Variants in TM4SF5 observed in about 807,000 individuals in gnomAD.
The protein encoded by TM4SF5 is transmembrane 4 L6 family member 5.
Under a neutral mutation model 22.3 loss-of-function variants are expected in TM4SF5, and 16 were observed. That is an observed-to-expected ratio of 0.72 (90% CI 0.49 to 1.09). The LOEUF (loss-of-function observed/expected upper bound fraction) is 1.09, where lower values mean the gene tolerates loss of function less well. Among genes scored for constraint, TM4SF5 ranks in the 50% least tolerant of loss-of-function variants. TM4SF5 has a pLI of 0.00. For synonymous variants in TM4SF5, 113 were observed against 109.6 expected (o/e 1.03, Z -0.19); for missense variants, 249 against 266.1 (o/e 0.94, Z 0.45).
intron 2 of TM4SF5, among the ~76,000 whole-genome samples, chr17:4,782,091 A>AT (rs376659055): frequency 7.8e-5 from 11 of 141,894 alleles, no homozygotes; most frequent in African/African-American, 2.6e-4. Flanking sequence ...CGAATTTCTA[A>AT]TTTTTTTTTT....
At chr17:4,774,255 G>C (rs1356154421) in intron 1 of TM4SF5, among the ~76,000 whole-genome samples, 3 of 150,858 alleles carry the variant, frequency 2.0e-5, no homozygotes, top group East Asian at 4.0e-4. Flanking sequence ...TATATCACAG[G>C]GACACAGACA....
chr17:4,779,379 C>T (rs1007930703), intron 1 of TM4SF5, among the ~76,000 whole-genome samples: 3 of 151,766 alleles, frequency 2.0e-5, no homozygotes, highest in Admixed American at 6.6e-5. Context: ...AAGTCAGCCA[C>T]GATCAAGCCA....
chr17:4,780,800 G>A lies in TM4SF5; in HGVS notation c.189G>A (p.Pro63=), dbSNP rs13520. The A allele has an allele frequency of 0.48, 767,983 of 1,608,398 alleles. 190,044 individuals are homozygous for A. The highest frequency in any genetic ancestry group is 0.52 in the Non-Finnish European group (608,283 of 1,177,060). ...FIGGGLMVLC[P]GIAAVRAGGK... ...CTCTTGTCCCACAGGTACTGTGTCC[G>A]GGGATTGCAGCCGTTCGGGCAGGGG... Residue 63 remains proline, a synonymous_variant, in exon 2 of 5, where the codon CCG becomes CCA. Coordinates refer to ENST00000270560, the MANE Select transcript of TM4SF5 (RefSeq NM_003963.3).
chr17:4,779,603 A>C (rs1917264724), intron 1 of TM4SF5, among the ~76,000 whole-genome samples: 1 of 152,132 alleles, frequency 6.6e-6, no homozygotes, highest in Non-Finnish European at 1.5e-5. Flanking sequence ...ACTTAAGTAA[A>C]AGTTGAGAAA....
At chr17:4,776,491 G>A (rs559680590) in intron 1 of TM4SF5, among the ~76,000 whole-genome samples, 154 of 152,012 alleles carry the variant, frequency 1.0e-3, no homozygotes, top group African/African-American at 3.4e-3. Flanking sequence ...TAGTAGAGAC[G>A]GGGTTTCGCG....
chr17:4,772,725 T>TG (rs1481917084), intron 1 of TM4SF5, among the ~76,000 whole-genome samples: 27 of 150,210 alleles, frequency 1.8e-4, no homozygotes, highest in Non-Finnish European at 3.6e-4. Flanking sequence ...TTTGTTTTTT[T>TG]TTTTTTTTGA....
At chr17:4,782,439 G>A in intron 2 of TM4SF5, 64 bp from the exon 3 acceptor site, 10 of 1,593,652 alleles carry the variant, frequency 6.3e-6, no homozygotes, top group Non-Finnish European at 8.6e-6. Flanking sequence ...GGGGGCTGGC[G>A]CTGAGCGTCG....
chr17:4,775,404 G>A (rs1014923621), intron 1 of TM4SF5, among the ~76,000 whole-genome samples: 3 of 150,822 alleles, frequency 2.0e-5, no homozygotes, highest in South Asian at 4.2e-4. Flanking sequence ...GACTACAGGC[G>A]CCCGCCACCA....
intron 1 of TM4SF5, 102 bp downstream of exon 1, chr17:4,772,201 G>A: frequency 8.3e-6 from 12 of 1,454,426 alleles, no homozygotes; most frequent in Non-Finnish European, 1.1e-5. Context: ...GGTTGCTTGG[G>A]AGAGGATGGC....
chr17:4,780,496 G>A (rs1917281792), intron 1 of TM4SF5, among the ~76,000 whole-genome samples: 1 of 152,142 alleles, frequency 6.6e-6, no homozygotes, highest in Non-Finnish European at 1.5e-5. Context: ...ATGTGAAGTA[G>A]TTTCCCTGAT....
In TM4SF5 at chr17:4,782,944, GGTGGCC is replaced by G; in HGVS notation, c.488_493del (p.Val163_Ala164del). The G allele has an allele frequency of 6.2e-7, 1 of 1,614,256 alleles. No homozygotes were observed. Among genetic ancestry groups the G allele is most frequent in the Non-Finnish European group, 8.5e-7 (1 of 1,180,048 alleles). On this transcript the variant is annotated inframe_deletion, in exon 4 of 5. Coordinates refer to ENST00000270560, the MANE Select transcript of TM4SF5 (RefSeq NM_003963.3). ...GGAATGTGACGCTCTTCTCGCTGCT[GGTGGCC>G]GCCTCCTGCCTGGAGATAGTACTGT...
intron 1 of TM4SF5, among the ~76,000 whole-genome samples, chr17:4,775,415 C>T (rs577539045): frequency 1.3e-5 from 2 of 151,644 alleles, no homozygotes; most frequent in Non-Finnish European, 2.9e-5. Context: ...CCCGCCACCA[C>T]GCACAGCAAA....
intron 1 of TM4SF5, 146 bp downstream of exon 1, chr17:4,772,245 T>A: frequency 9.7e-7 from 1 of 1,027,800 alleles, no homozygotes; most frequent in Non-Finnish European, 1.4e-6. Flanking sequence ...CCCTCTGGAG[T>A]CAGTCCTGGA....
intron 1 of TM4SF5, among the ~76,000 whole-genome samples, chr17:4,778,536 G>T (rs1448653963): frequency 6.6e-6 from 1 of 152,142 alleles, no homozygotes; most frequent in Admixed American, 6.6e-5. Flanking sequence ...GAGCCCAGGA[G>T]GTTGAGGATG....
At chr17:4,776,543 C>T (rs1015936590) in intron 1 of TM4SF5, among the ~76,000 whole-genome samples, 1 of 152,182 alleles carries the variant, frequency 6.6e-6, no homozygotes, top group African/African-American at 2.4e-5. Context: ...CTTAGGTGAT[C>T]CGCCTGCCTC....
intron 1 of TM4SF5, among the ~76,000 whole-genome samples, chr17:4,775,671 A>G (rs1488215124): frequency 6.6e-6 from 1 of 152,102 alleles, no homozygotes; most frequent in East Asian, 1.9e-4. Flanking sequence ...AAACTTTTAC[A>G]AAGTGAGCAC....
rs888765201 is a variant in TM4SF5, at chr17:4,782,938, G to C, written c.480G>C (p.Ser160=). The C allele has an allele frequency of 2.5e-6, 4 of 1,614,232 alleles. No homozygotes were observed. The highest frequency in any genetic ancestry group is 1.7e-6 in the Non-Finnish European group (2 of 1,180,038). The change falls in exon 4 of 5, where the codon TCG becomes TCC. Residue 160 remains serine, a synonymous_variant. Transcript: ENST00000270560. ...TCCCCTGGAATGTGACGCTCTTCTC[G>C]CTGCTGGTGGCCGCCTCCTGCCTGG... ...RVVPWNVTLF[S]LLVAASCLEI... is the part of the protein sequence containing the mutation.
chr17:4,782,323 C>T (rs1237626151), intron 2 of TM4SF5, among the ~76,000 whole-genome samples, 180 bp from the exon 3 acceptor site: 1 of 152,092 alleles, frequency 6.6e-6, no homozygotes, highest in Non-Finnish European at 1.5e-5. Context: ...AGGAGATCCA[C>T]CCGCCTCAGC....
At chr17:4,783,078 G>T (rs751276071) in intron 4 of TM4SF5, 36 bp from the exon 5 acceptor site, 282 of 1,614,040 alleles carry the variant, frequency 1.7e-4, no homozygotes, top group Non-Finnish European at 2.2e-4. Flanking sequence ...GAACCTGCCT[G>T]GTCCTGGCTG....
Sources: allele counts gnomAD v4.1 joint callset (sites outside exome capture counted in the v4.1 genomes callset), GRCh38; gene constraint gnomAD v4.1.1; transcripts MANE v1.5; gene names NCBI Gene and HGNC (gene_info 2026-07-23, HGNC 2026-07-21).